The following OSBPL10 variants were observed in gnomAD, a reference collection of about 807,000 sequenced individuals.
OSBPL10 encodes the protein oxysterol-binding protein-related protein 10.
OSBPL10 carries 49 observed loss-of-function variants against 81.7 expected under a neutral mutation model. The ratio of observed to expected loss-of-function variants is 0.60; its 90% confidence interval spans 0.48 to 0.76. The LOEUF is 0.76. Among genes scored for constraint, OSBPL10 ranks in the 30% least tolerant of loss-of-function variants. The pLI is 0.00. For missense variants in OSBPL10, 923 were observed against 987.8 expected (o/e 0.93, Z 0.88); for synonymous variants, 419 against 383.6 (o/e 1.09, Z -1.08).
intron 1 of OSBPL10, among the ~76,000 whole-genome samples, chr3:31,940,148 A>G (rs1697494463): frequency 6.6e-6 from 1 of 152,276 alleles, no homozygotes; most frequent in African/African-American, 2.4e-5. Context: ...AACTTTATTC[A>G]TCAAAGCCAA....
Position 31,668,636 on chromosome 3 carries a change from T to C in OSBPL10, c.2096+6A>G. The C allele has an allele frequency of 3.7e-6, 6 of 1,607,886 alleles. No individual in the cohort carries two copies. The highest frequency in any genetic ancestry group is 5.1e-6 in the Non-Finnish European group (6 of 1,176,340). On this transcript the variant is annotated splice_donor_region_variant and intron_variant, in intron 10 of 11. Coordinates refer to ENST00000396556, the MANE Select transcript of OSBPL10 (RefSeq NM_017784.5). Reference sequence around the variant, plus strand: ...GCTGGAGAGGAAGACACAGCCCGGTTCTCACCTGGACTCCATGGGTCCCTG... The same window carrying C: ...GCTGGAGAGGAAGACACAGCCCGGTCCTCACCTGGACTCCATGGGTCCCTG...
rs1262940676 is a variant in OSBPL10, at chr3:31,678,007, G to A, written c.1726+5627C>T. On this transcript the variant is annotated intron_variant, in intron 8 of 11. Coordinates refer to ENST00000396556, the MANE Select transcript of OSBPL10 (RefSeq NM_017784.5). ...GAGGCAGGAGAATGGCGTGAACCCA[G>A]GAAGCGGAGCTTGCAGTGAGCCGAG... is the stretch of plus-strand genomic sequence containing the variant. Among the ~76,000 whole-genome samples the A allele has an allele frequency of 2.0e-5, 3 of 147,542 alleles. No homozygotes were observed. In the East Asian group the frequency reaches 5.9e-4, roughly 29 times the overall value.
At chr3:32,075,606 T>G (rs1699868082) in intron 1 of OSBPL10, among the ~76,000 whole-genome samples, 1 of 152,150 alleles carries the variant, frequency 6.6e-6, no homozygotes, top group South Asian at 2.1e-4. Flanking sequence ...AAATCTTTCT[T>G]CAGTTGAATC....
chr3:31,993,439 C>T (rs1299233663), intron 2 of OSBPL10, among the ~76,000 whole-genome samples: 2 of 151,960 alleles, frequency 1.3e-5, no homozygotes, highest in African/African-American at 4.8e-5. Flanking sequence ...AACTCCTGAC[C>T]TCAGGTGATC....
chr3:31,977,127 C>A (rs1031667466), intron 1 of OSBPL10, among the ~76,000 whole-genome samples: 2 of 152,102 alleles, frequency 1.3e-5, no homozygotes, highest in South Asian at 4.1e-4. Flanking sequence ...TCACCCTCCC[C>A]ACAAACACAT....
At chr3:32,043,144 C>A (rs542799354) in intron 2 of OSBPL10, among the ~76,000 whole-genome samples, 2 of 152,244 alleles carry the variant, frequency 1.3e-5, no homozygotes, top group African/African-American at 2.4e-5. Flanking sequence ...ACTCCCAGAG[C>A]AGCTGTTTAT....
chr3:31,718,182 C>CA (rs1204594564), intron 6 of OSBPL10: 2 of 151,890 alleles, frequency 1.3e-5, no homozygotes, highest in Non-Finnish European at 2.9e-5. Context: ...GGCTGGAGTG[C>CA]AGTGGCGCGA....
chr3:31,935,792 G>A (rs1458430246), intron 1 of OSBPL10, among the ~76,000 whole-genome samples: 1 of 152,098 alleles, frequency 6.6e-6, no homozygotes, highest in Non-Finnish European at 1.5e-5. Flanking sequence ...AAAGTCCTGG[G>A]ATTACAGGCA....
chr3:31,788,393 T>G lies in OSBPL10; in HGVS notation c.730-40273A>C, dbSNP rs147698920. Reference sequence around the variant, plus strand: ...TAGAAGCCTCATTTTCCTAAATTCTTAATTCCACTTAGTCCTTTTCCTGAT... The same window carrying G: ...TAGAAGCCTCATTTTCCTAAATTCTGAATTCCACTTAGTCCTTTTCCTGAT... On this transcript the variant is annotated intron_variant, in intron 4 of 11. Coordinates refer to ENST00000396556, the MANE Select transcript of OSBPL10 (RefSeq NM_017784.5). Among the ~76,000 whole-genome samples, 342 of 152,352 alleles carry G rather than the reference T, an allele frequency of 2.2e-3. 4 individuals carry two copies. The highest frequency in any genetic ancestry group is 7.6e-3 in the African/African-American group (317 of 41,580).
intron 2 of OSBPL10, among the ~76,000 whole-genome samples, chr3:32,041,443 G>A (rs1699574332): frequency 6.6e-6 from 1 of 151,990 alleles, no homozygotes; most frequent in Non-Finnish European, 1.5e-5. Context: ...CAGACTACAG[G>A]CCAGCTGGAA....
upstream of OSBPL10, among the ~76,000 whole-genome samples, chr3:31,982,567 G>A (rs1698872036): frequency 6.6e-6 from 1 of 152,006 alleles, no homozygotes; most frequent in Non-Finnish European, 1.5e-5. Flanking sequence ...TTTAGCTCTA[G>A]AGATGCACGG....
intron 1 of OSBPL10, among the ~76,000 whole-genome samples, chr3:31,939,892 C>G (rs1288470849): frequency 6.6e-6 from 1 of 152,108 alleles, no homozygotes; most frequent in Non-Finnish European, 1.5e-5. Flanking sequence ...TGCTACCACA[C>G]CTGGCTAATA....
At chr3:31,689,175 A>G (rs1329257996) in intron 7 of OSBPL10, among the ~76,000 whole-genome samples, 1 of 152,122 alleles carries the variant, frequency 6.6e-6, no homozygotes, top group African/African-American at 2.4e-5. Context: ...AAATGAAAGC[A>G]AAGAAAACCT....
intron 5 of OSBPL10, among the ~76,000 whole-genome samples, chr3:31,735,508 G>A (rs4438694): frequency 0.42 from 63,743 of 152,040 alleles, 13,741 homozygotes; most frequent in East Asian, 0.65. Context: ...TAAGCTGCCT[G>A]GCTTTGCTCT....
chr3:31,812,712 CAAAAAAAAA>C (rs1406089845), intron 4 of OSBPL10, among the ~76,000 whole-genome samples: 2 of 34,204 alleles, frequency 5.8e-5, no homozygotes, highest in African/African-American at 1.1e-4. Flanking sequence ...ACACAGTAGG[CAAAAAAAAA>C]GAAAGAAAGA....
chr3:31,696,775 G>GATT, intron 7 of OSBPL10, among the ~76,000 whole-genome samples: 1 of 152,286 alleles, frequency 6.6e-6, no homozygotes, highest in East Asian at 1.9e-4. Flanking sequence ...CAGCCTCACG[G>GATT]CTTTGACCAC....
intron 1 of OSBPL10, among the ~76,000 whole-genome samples, chr3:31,971,301 C>A (rs1007831723): frequency 3.3e-5 from 5 of 151,918 alleles, no homozygotes; most frequent in Non-Finnish European, 7.4e-5. Context: ...CCACCATGCC[C>A]GCTAATTGTT....
chr3:31,793,438 A>G (rs571970357), intron 4 of OSBPL10, among the ~76,000 whole-genome samples: 1 of 152,362 alleles, frequency 6.6e-6, no homozygotes, highest in South Asian at 2.1e-4. Flanking sequence ...ATAAAATTTA[A>G]TTAGCAGTAA....
rs57256301 is a variant in OSBPL10, at chr3:31,930,003, C to CAAAAAAAAAAA, written c.282-50184_282-50174dup. ...GATCAAGTGAGACCCTGTCACCAACCAAAAAAAAAAAAAAAAAAAAAAACA... is the reference window on the plus strand; with the variant it reads ...GATCAAGTGAGACCCTGTCACCAACCAAAAAAAAAAAAAAAAAAAAAAAAAAAAAAAAAACA... On this transcript the variant is annotated intron_variant, in intron 1 of 11. Transcript: ENST00000396556. Among the ~76,000 whole-genome samples, 25 of 72,566 alleles carry CAAAAAAAAAAA rather than the reference C, an allele frequency of 3.4e-4. 4 individuals are homozygous for CAAAAAAAAAAA. Among genetic ancestry groups the CAAAAAAAAAAA allele is most frequent in the African/African-American group, 1.0e-3 (19 of 18,744 alleles). The allele number at this position is 72,566 out of a possible 152,430, so 47.6% of individuals were successfully genotyped here. A position where few individuals can be genotyped will look rare whatever the true frequency, so the allele number is the denominator to read the frequency against.
Sources: gnomAD v4.1 joint callset for allele counts (sites outside exome capture counted in the v4.1 genomes callset) on GRCh38, gnomAD v4.1.1 for gene constraint, MANE v1.5 for transcripts, NCBI Gene and HGNC (gene_info 2026-07-23, HGNC 2026-07-21) for gene names.